The following DMD variants were observed in gnomAD, a reference collection of about 807,000 sequenced individuals.
DMD encodes dystrophin, also known as mutant dystrophin.
In DMD, 63 loss-of-function variants were observed where a neutral mutation model predicts 330.1. That is an observed-to-expected ratio of 0.19 (90% CI 0.16 to 0.24). The LOEUF (loss-of-function observed/expected upper bound fraction) is 0.24. Among genes scored for constraint, DMD ranks in the 10% least tolerant of loss-of-function variants. The pLI, the probability that DMD is intolerant of heterozygous loss-of-function variation, is 1.00. For missense variants in DMD, 3,344 were observed against 2,684.1 expected (o/e 1.25, Z -5.43); for synonymous variants, 1,223 against 959.8 (o/e 1.27, Z -5.07).
chrX:31,687,606 T>C lies in DMD; in HGVS notation c.7661-8020A>G, dbSNP rs778024650. Among the ~76,000 whole-genome samples the C allele has an allele frequency of 2.7e-5, 3 of 111,946 alleles. No homozygotes were observed. The South Asian group carries it at 1.1e-3, about 42-fold the overall frequency. ...AAGGGCAAGGAAGAGCAGGGAGCAC[T>C]TTATATTGTGGTGTGAGTGCTAGCT... On this transcript the variant is annotated intron_variant, in intron 52 of 78. Transcript: ENST00000357033.
chrX:32,212,959 T>C (rs1344111617), intron 44 of DMD, among the ~76,000 whole-genome samples: 2 of 111,936 alleles, frequency 1.8e-5, no homozygotes, highest in African/African-American at 3.2e-5. Flanking sequence ...GCAGTCAGTA[T>C]ATTTTGAATG....
At chrX:32,172,605 C>G (rs1171540395) in intron 44 of DMD, among the ~76,000 whole-genome samples, 1 of 111,280 alleles carries the variant, frequency 9.0e-6, no homozygotes, top group Non-Finnish European at 1.9e-5. Flanking sequence ...CACCTATGAT[C>G]CCACAGCACC....
intron 62 of DMD, among the ~76,000 whole-genome samples, chrX:31,268,268 A>T (rs375967543): frequency 2.7e-5 from 3 of 112,510 alleles, no homozygotes; most frequent in African/African-American, 6.4e-5. Flanking sequence ...GTTTTGCTTT[A>T]TCTAATGCTA....
At chrX:31,975,834 T>C (rs140601035) in intron 44 of DMD, among the ~76,000 whole-genome samples, 1,219 of 112,123 alleles carry the variant, frequency 0.011, 22 homozygotes, top group African/African-American at 0.037. Context: ...TGTGTGCATA[T>C]AGAAAAAGCC....
intron 2 of DMD, among the ~76,000 whole-genome samples, chrX:32,912,063 G>A (rs2087311611): frequency 9.5e-6 from 1 of 104,931 alleles, no homozygotes; most frequent in Non-Finnish European, 2.0e-5. Context: ...GAGAGAAGGA[G>A]GAGGATGGGG....
At chrX:32,827,952 C>T (rs184445351) in intron 4 of DMD, among the ~76,000 whole-genome samples, 9 of 111,438 alleles carry the variant, frequency 8.1e-5, no homozygotes, top group African/African-American at 6.5e-5. Flanking sequence ...TAAGCCACTG[C>T]GCCCAGCCTA....
chrX:32,877,748 G>T (rs2083486687), intron 2 of DMD, among the ~76,000 whole-genome samples: 1 of 111,660 alleles, frequency 9.0e-6, no homozygotes, highest in South Asian at 3.8e-4. Flanking sequence ...GTCACCTTAG[G>T]GTAGTCTTAA....
intron 2 of DMD, among the ~76,000 whole-genome samples, chrX:32,901,457 T>A (rs2086237219): frequency 1.8e-5 from 2 of 109,267 alleles, no homozygotes. Context: ...ACTCTCAAAA[T>A]CCATTATTAA....
At chrX:31,681,823 C>T (rs1363935703) in intron 52 of DMD, among the ~76,000 whole-genome samples, 2 of 112,991 alleles carry the variant, frequency 1.8e-5, no homozygotes, top group East Asian at 2.8e-4. Flanking sequence ...TGGCCAGGTG[C>T]GGTGGCTCAC....
At chrX:32,951,817 C>T (rs1258152550) in intron 2 of DMD, among the ~76,000 whole-genome samples, 4 of 111,726 alleles carry the variant, frequency 3.6e-5, no homozygotes, top group Non-Finnish European at 7.5e-5. Flanking sequence ...ATTAAAAAGA[C>T]TCACATTTAT....
intron 43 of DMD, among the ~76,000 whole-genome samples, chrX:32,242,739 G>C (rs1034832772): frequency 8.1e-5 from 9 of 110,569 alleles, no homozygotes; most frequent in Middle Eastern, 4.7e-3. Context: ...CTTGAGGGTT[G>C]GATTCTCTTA....
intron 4 of DMD, among the ~76,000 whole-genome samples, chrX:32,840,161 C>G (rs1214118313): frequency 8.9e-6 from 1 of 111,943 alleles, no homozygotes; most frequent in Non-Finnish European, 1.9e-5. Flanking sequence ...CATTAAAGCT[C>G]TAGCTCAGAT....
At chrX:32,463,374 G>T (rs912281530) in intron 25 of DMD, 65 bp downstream of exon 25, 1 of 1,044,288 alleles carries the variant, frequency 9.6e-7, no homozygotes, top group South Asian at 2.6e-5. Flanking sequence ...AACGGTGAAG[G>T]GAGACATTAG....
intron 7 of DMD, among the ~76,000 whole-genome samples, 171 bp downstream of exon 7, chrX:32,809,322 A>G (rs2077174875): frequency 8.9e-6 from 1 of 112,086 alleles, no homozygotes; most frequent in Non-Finnish European, 1.9e-5. Context: ...ACTAGAATTA[A>G]ATAAGACAAT....
chrX:32,702,665 G>C (rs1291620909), intron 7 of DMD, among the ~76,000 whole-genome samples: 3 of 111,466 alleles, frequency 2.7e-5, no homozygotes, highest in Non-Finnish European at 5.7e-5. Context: ...AGGAAAACTT[G>C]AGAGAAATAG....
At chrX:32,101,862 T>A (rs1407063653) in intron 44 of DMD, among the ~76,000 whole-genome samples, 1 of 111,436 alleles carries the variant, frequency 9.0e-6, no homozygotes, top group African/African-American at 3.3e-5. Flanking sequence ...GGTGATTGCA[T>A]CATGAGGGCT....
intron 60 of DMD, among the ~76,000 whole-genome samples, chrX:31,358,785 A>AT (rs1345522029): frequency 1.8e-5 from 2 of 112,408 alleles, no homozygotes; most frequent in Admixed American, 1.9e-4. Context: ...TTGTTAGCGT[A>AT]TATTTTCTGC....
intron 44 of DMD, among the ~76,000 whole-genome samples, chrX:32,147,189 C>T (rs1023179333): frequency 9.0e-5 from 10 of 111,248 alleles, no homozygotes; most frequent in Admixed American, 6.7e-4. Flanking sequence ...TCCCACCAAG[C>T]GCAACCCACC....
intron 76 of DMD, among the ~76,000 whole-genome samples, chrX:31,140,733 T>A (rs1293952700): frequency 4.6e-5 from 5 of 107,962 alleles, no homozygotes; most frequent in African/African-American, 1.7e-4. Flanking sequence ...CACAAGAATG[T>A]ATTATGCTTG....
Sources: gnomAD v4.1 joint callset for allele counts (sites outside exome capture counted in the v4.1 genomes callset) on GRCh38, gnomAD v4.1.1 for gene constraint, MANE v1.5 for transcripts, NCBI Gene and HGNC (gene_info 2026-07-23, HGNC 2026-07-21) for gene names.